The following MYT1 variants were observed in gnomAD, a reference collection of about 807,000 sequenced individuals.
MYT1 encodes the protein myelin transcription factor 1.
Under a neutral mutation model 123.0 loss-of-function variants are expected in MYT1, and 23 were observed. That is an observed-to-expected ratio of 0.19 (90% CI 0.13 to 0.26). The LOEUF is 0.26. Among genes scored for constraint, MYT1 ranks in the 10% least tolerant of loss-of-function variants. MYT1 has a pLI of 1.00. For missense variants in MYT1, 1,125 were observed against 1,472.5 expected (o/e 0.76, Z 3.86); for synonymous variants, 518 against 575.3 (o/e 0.90, Z 1.43).
Position 64,193,037 on chromosome 20 carries a change from T to C in MYT1, c.-1+2877T>C, listed in dbSNP as rs574252707. 6.6e-6 allele frequency among the ~76,000 whole-genome samples: 1 copy of C among 152,332 alleles called. No homozygotes were observed. Among genetic ancestry groups the C allele is most frequent in the African/African-American group, 2.4e-5 (1 of 41,574 alleles). On this transcript the variant is annotated intron_variant, in intron 2 of 22. Transcript: ENST00000328439. This position sits in a 1 kb window ranked among gnomAD's most constrained non-coding sequence, Gnocchi z 4.0. ...TCAAGAGAACCCCTTCTCAGACATGTGTTAAATAATGCCCCATGGAGGTGT... is the reference window on the plus strand; with the variant it reads ...TCAAGAGAACCCCTTCTCAGACATGCGTTAAATAATGCCCCATGGAGGTGT...
At chr20:64,229,912 G>A (rs1248285003) in intron 18 of MYT1, among the ~76,000 whole-genome samples, 1 of 152,150 alleles carries the variant, frequency 6.6e-6, no homozygotes, top group Non-Finnish European at 1.5e-5. Flanking sequence ...TGTCCCTGGA[G>A]GGGACTTCTG....
rs376394679 is a variant in MYT1, at chr20:64,195,558, A to G, written c.1-3304A>G. ...CTACAGGCGTGCACCACCACACCCA[A>G]CTAATTTTTGTATTTTCAGTAGAGA... On this transcript the variant is annotated intron_variant, in intron 2 of 22. Transcript: ENST00000328439. 1.6e-3 allele frequency among the ~76,000 whole-genome samples: 247 copies of G among 151,836 alleles called. 13 individuals carry two copies. The South Asian group carries it at 0.05, about 31-fold the overall frequency.
Position 64,208,364 on chromosome 20 carries a change from G to A in MYT1, c.1168G>A (p.Glu390Lys). 1 of 1,613,850 alleles carries A rather than the reference G, an allele frequency of 6.2e-7. No homozygotes were observed. ...GGAGCAGGCCATCGCCCTGAAGGCTGAACAGGTGCGCACAGTCTGCGAGCC... is the reference window on the plus strand; with the variant it reads ...GGAGCAGGCCATCGCCCTGAAGGCTAAACAGGTGCGCACAGTCTGCGAGCC... ...LLEQAIALKA[E>K]QVRTVCEPGC... Residue 390 changes from glutamate to lysine, a missense_variant, in exon 7 of 23, where the codon GAA becomes AAA. Coordinates refer to ENST00000328439, the MANE Select transcript of MYT1 (RefSeq NM_004535.3). The surrounding 1 kb of genome is among the most constrained non-coding windows in gnomAD (Gnocchi z 5.4).
chr20:64,227,633 G>C (rs1984206332), intron 17 of MYT1, among the ~76,000 whole-genome samples, 156 bp downstream of exon 17: 1 of 152,200 alleles, frequency 6.6e-6, no homozygotes, highest in African/African-American at 2.4e-5. Flanking sequence ...TGATTAAGTT[G>C]TCCTCTGCAG....
chr20:64,239,877 C>A lies in MYT1; in HGVS notation c.3211C>A (p.Leu1071Ile). The A allele has an allele frequency of 6.2e-7, 1 of 1,613,536 alleles. No homozygotes were observed. The highest frequency in any genetic ancestry group is 8.5e-7 in the Non-Finnish European group (1 of 1,180,030). ...CCTGAGCCAGGCCCTCATCCAAAGT[C>A]TCGCCAATATCCGCCTTCCGCACAT... Reference protein sequence around the residue: ...SGLSQALIQSLANIRLPHMEP... With the variant: ...SGLSQALIQSIANIRLPHMEP... The change falls in exon 22 of 23, where the codon CTC (leucine) becomes ATC (isoleucine). Residue 1071 changes from leucine (L) to isoleucine (I), a missense_variant. Physicochemically the swap from Leu to Ile is conservative, Grantham distance 5. This residue lies in a region of MYT1 where 243 missense variants were observed against 323.1 expected (regional missense o/e 0.75). Coordinates refer to ENST00000328439, the MANE Select transcript of MYT1 (RefSeq NM_004535.3).
In MYT1 at chr20:64,228,469, C is replaced by G. The variant is rs186782506; in HGVS notation, c.2675+498C>G. On this transcript the variant is annotated intron_variant, in intron 18 of 22. Transcript: ENST00000328439. ...GAGCCAGGAGGATCTAAACTGGGAG[C>G]CAGACACTGTTGGGTGAAGGAAAGA... is the stretch of plus-strand genomic sequence containing the variant. 8.5e-4 allele frequency among the ~76,000 whole-genome samples: 129 copies of G among 152,270 alleles called. No individual in the cohort carries two copies. The East Asian group carries it at 0.017, about 20-fold the overall frequency.
At position 64,189,208 on chromosome 20, in the gene MYT1, A is replaced by C. The variant is rs1238156475; in HGVS notation, c.-98-855A>C. ...CGTGCCTTCGGCAGAATCCAAACTCACTTCCAAGGCAAAGCCAGGGCCCAA... is the reference window on the plus strand; with the variant it reads ...CGTGCCTTCGGCAGAATCCAAACTCCCTTCCAAGGCAAAGCCAGGGCCCAA... On this transcript the variant is annotated intron_variant, in intron 1 of 22. Transcript: ENST00000328439. The surrounding 1 kb of genome is among the most constrained non-coding windows in gnomAD (Gnocchi z 5.5). Among the ~76,000 whole-genome samples the C allele has an allele frequency of 6.6e-6, 1 of 152,160 alleles. No individual in the cohort carries two copies. The highest frequency in any genetic ancestry group is 1.5e-5 in the Non-Finnish European group (1 of 68,022).
rs1431436274 is a variant in MYT1 at position 64,211,206 on chromosome 20, A to G, written c.1292A>G (p.Asp431Gly). The stretch of plus-strand genomic sequence containing the variant: ...AACTGATGTGACTTGTGTGTTTTAG[A>G]TCCTTCAAGAGCTGAGAAGCGTGAG... Reference protein sequence around the residue: ...DTVRKSYYSKDPSRAEKREIK... With the variant: ...DTVRKSYYSKGPSRAEKREIK... The change falls in exon 8 of 23, where the codon GAT (aspartate) becomes GGT (glycine). Residue 431 changes from aspartate (D) to glycine (G), a missense_variant and splice_region_variant. Physicochemically the swap from Asp to Gly is moderately conservative, Grantham distance 94. Around this residue, in one of 4 missense-constraint regions of MYT1, gnomAD observed 429 missense variants for 604.1 expected, o/e 0.71. Coordinates refer to ENST00000328439, the MANE Select transcript of MYT1 (RefSeq NM_004535.3). 1 of 1,612,078 alleles carries G rather than the reference A, an allele frequency of 6.2e-7. No homozygotes were observed. Among genetic ancestry groups the G allele is most frequent in the African/African-American group, 1.3e-5 (1 of 75,020 alleles).
At position 64,205,719 on chromosome 20, in the gene MYT1, G is replaced by A; in HGVS notation, c.316G>A (p.Asp106Asn). ...DTEVKDASVS[D>N]ESEGTLEGAE... ...TGAGGTGAAGGACGCCTCTGTTTCG[G>A]ATGAATCGGAAGGAACTCTGGAGGG... The change falls in exon 6 of 23, where the codon GAT (aspartate) becomes AAT (asparagine). Residue 106 changes from aspartate (D) to asparagine (N), a missense_variant. Asp to Asn is a conservative substitution (Grantham distance 23, BLOSUM62 1). Transcript: ENST00000328439. The A allele has an allele frequency of 1.2e-6, 2 of 1,614,222 alleles. No individual in the cohort carries two copies. Among genetic ancestry groups the A allele is most frequent in the Non-Finnish European group, 1.7e-6 (2 of 1,180,042 alleles).
rs2145739454 is a variant in MYT1 at position 64,239,802 on chromosome 20, A to G, written c.3136A>G (p.Asn1046Asp). The G allele has an allele frequency of 6.2e-7, 1 of 1,613,978 alleles. No homozygotes were observed. The highest frequency in any genetic ancestry group is 8.5e-7 in the Non-Finnish European group (1 of 1,180,004). Residue 1046 changes from asparagine to aspartate, a missense_variant, in exon 22 of 23, where the codon AAC becomes GAC. By Grantham distance (23) the Asn-to-Asp change is conservative (BLOSUM62 1). Transcript: ENST00000328439. ...EKNLKNIEEE[N>D]KLIEEQNEAL... ...GAACCTGAAGAACATCGAGGAGGAG[A>G]ACAAGCTCATTGAGGAGCAGAATGA...
In MYT1 at chr20:64,240,731, C is replaced by T. The variant is rs1309603155; in HGVS notation, c.*283C>T. 2 of 340,294 alleles carry T rather than the reference C, an allele frequency of 5.9e-6. No individual in the cohort carries two copies. The highest frequency in any genetic ancestry group is 9.0e-5 in the Admixed American group (2 of 22,264). The allele number at this position is 340,294 out of a possible 1,614,324, so 21.1% of individuals were successfully genotyped here. ...AAATCTGAAGAGCAGCTCAAAGTCT[C>T]CAGTGGAAGCTCATGGACAAGGTTC... On this transcript the variant is annotated 3_prime_UTR_variant, in exon 23 of 23. Coordinates refer to ENST00000328439, the MANE Select transcript of MYT1 (RefSeq NM_004535.3).
At chr20:64,181,682 T>C (rs1167019119) in intron 1 of MYT1, among the ~76,000 whole-genome samples, 1 of 152,206 alleles carries the variant, frequency 6.6e-6, no homozygotes, top group Non-Finnish European at 1.5e-5. Context: ...AGGAGCCTCC[T>C]GAAACACTCA....
chr20:64,210,782 G>A (rs1244486879), intron 7 of MYT1, among the ~76,000 whole-genome samples: 1 of 152,196 alleles, frequency 6.6e-6, no homozygotes, highest in Non-Finnish European at 1.5e-5. Flanking sequence ...ATGCAGCCTT[G>A]GATAAGTTAC....
At chr20:64,198,315 C>G (rs1278196904) in intron 2 of MYT1, among the ~76,000 whole-genome samples, 4 of 127,668 alleles carry the variant, frequency 3.1e-5, no homozygotes. Context: ...AAAAAAAAAG[C>G]CTTCTGCTGT....
chr20:64,179,656 A>G (rs545974893), intron 1 of MYT1, among the ~76,000 whole-genome samples: 1 of 152,088 alleles, frequency 6.6e-6, no homozygotes, highest in African/African-American at 2.4e-5. Context: ...GCCTCGGTCC[A>G]GCTCCCCTGT....
intron 18 of MYT1, among the ~76,000 whole-genome samples, chr20:64,230,311 G>A (rs1310488007): frequency 1.3e-5 from 2 of 152,114 alleles, no homozygotes; most frequent in African/African-American, 4.8e-5. Flanking sequence ...TCAGGAGTTC[G>A]AGACCAGCCC....
chr20:64,201,950 G>GTGT, intron 4 of MYT1, among the ~76,000 whole-genome samples: 1 of 120,072 alleles, frequency 8.3e-6, no homozygotes, highest in African/African-American at 3.1e-5. Flanking sequence ...GGGAACCTCT[G>GTGT]CGTGTCGGGA....
chr20:64,212,095 A>C lies in MYT1; in HGVS notation c.1474A>C (p.Thr492Pro), dbSNP rs746475161. The C allele has an allele frequency of 3.1e-6, 5 of 1,613,518 alleles. No homozygotes were observed. ...GCTGAAGTGCCCCACTCCTGGCTGCACAGGCCAGGGTCACGTGAACAGCAA... is the reference window on the plus strand; with the variant it reads ...GCTGAAGTGCCCCACTCCTGGCTGCCCAGGCCAGGGTCACGTGAACAGCAA... ...NVLKCPTPGC[T>P]GQGHVNSNRN... Residue 492 changes from threonine to proline, a missense_variant, in exon 9 of 23, where the codon ACA becomes CCA. This residue lies in a region of MYT1 where 429 missense variants were observed against 604.1 expected (regional missense o/e 0.71). Transcript: ENST00000328439. The surrounding 1 kb of genome is among the most constrained non-coding windows in gnomAD (Gnocchi z 6.8).
intron 1 of MYT1, among the ~76,000 whole-genome samples, chr20:64,180,763 C>T (rs531909691): frequency 2.6e-5 from 4 of 152,224 alleles, no homozygotes; most frequent in South Asian, 2.1e-4. Context: ...TAGCGTTGAG[C>T]GTTATCTTTC....
Sources: allele counts gnomAD v4.1 joint callset (sites outside exome capture counted in the v4.1 genomes callset), GRCh38; gene constraint gnomAD v4.1.1; regional missense constraint gnomAD v4.1.1; non-coding constraint Gnocchi (gnomAD v3.1); transcripts MANE v1.5; gene names NCBI Gene and HGNC (gene_info 2026-07-23, HGNC 2026-07-21).